The following HM13 variants were observed in gnomAD, a reference collection of about 807,000 sequenced individuals.
The protein encoded by HM13 is signal peptide peptidase.
In HM13, 18 loss-of-function variants were observed where a neutral mutation model predicts 50.0. The observed-to-expected ratio is 0.36, with a 90% CI of 0.25 to 0.53. The LOEUF is 0.53. HM13 is among the 20% of genes least tolerant of loss of function. The pLI is 0.90. For missense variants in HM13, 393 were observed against 552.4 expected, an observed-to-expected ratio of 0.71 and a Z score of 2.89; for synonymous variants, 197 against 232.6, an observed-to-expected ratio of 0.85 and a Z score of 1.39.
intron 2 of HM13, among the ~76,000 whole-genome samples, chr20:31,537,191 T>A (rs1983162870): frequency 6.6e-6 from 1 of 152,200 alleles, no homozygotes; most frequent in South Asian, 2.1e-4. Context: ...TGCCTGTGGG[T>A]GGGCATGTAG....
intron 4 of HM13, among the ~76,000 whole-genome samples, chr20:31,547,187 G>C (rs1983771170): frequency 6.6e-6 from 1 of 152,222 alleles, no homozygotes; most frequent in African/African-American, 2.4e-5. Context: ...GCAGTCTTCT[G>C]TTCCGGCAAG....
rs1271534639 is a variant in HM13, at chr20:31,514,549, G to T, written c.-3G>T. The T allele has an allele frequency of 3.1e-6, 5 of 1,604,198 alleles. No homozygotes were observed. ...GGAGTCGGATCCCGAACGCACCCTC[G>T]CCATGGACTCGGCCCTCAGCGATCC... On this transcript the variant is annotated 5_prime_UTR_variant, in exon 1 of 13. Transcript: ENST00000398174. The surrounding 1 kb of genome is among the most constrained non-coding windows in gnomAD (Gnocchi z 4.3).
chr20:31,542,163 A>G (rs1359521658), intron 3 of HM13, among the ~76,000 whole-genome samples: 1 of 152,228 alleles, frequency 6.6e-6, no homozygotes, highest in Non-Finnish European at 1.5e-5. Context: ...CCTAGCCCAC[A>G]TTAAGCCTCT....
At chr20:31,529,503 G>C (rs1982685624) in intron 2 of HM13, among the ~76,000 whole-genome samples, 1 of 152,138 alleles carries the variant, frequency 6.6e-6, no homozygotes, top group South Asian at 2.1e-4. Context: ...CCTTGGCCTT[G>C]TAAAGTGCTG....
At chr20:31,553,396 A>G (rs1045597742) in intron 7 of HM13, among the ~76,000 whole-genome samples, 11 of 152,012 alleles carry the variant, frequency 7.2e-5, no homozygotes, top group African/African-American at 2.7e-4. Context: ...CTTGCACCAC[A>G]CTTATCACCT....
At chr20:31,541,578 A>C (rs1332029401) in intron 3 of HM13, 1 of 152,186 alleles carries the variant, frequency 6.6e-6, no homozygotes, top group Non-Finnish European at 1.5e-5. Flanking sequence ...AAAAAATTTG[A>C]TGGGGACCAA....
Position 31,557,703 on chromosome 20 carries a change from C to CTTTTTTTTTTT in HM13, c.809-1894_809-1884dup, listed in dbSNP as rs1180267680. ...TGTTGACAGTTGACAGGCAGTGCTT[C>CTTTTTTTTTTT]TTTTTTTTTTTTTTTTTTTTTTTTG... On this transcript the variant is annotated intron_variant, in intron 8 of 12. Transcript: ENST00000398174. Among the ~76,000 whole-genome samples, 25 of 80,906 alleles carry CTTTTTTTTTTT rather than the reference C, an allele frequency of 3.1e-4. 1 individual carries two copies. The highest frequency in any genetic ancestry group is 8.5e-4 in the African/African-American group (15 of 17,662). The allele number at this position is 80,906 out of a possible 152,430, so 53.1% of individuals were successfully genotyped here. A position where few individuals can be genotyped will look rare whatever the true frequency, so the allele number is the denominator to read the frequency against.
At chr20:31,527,641 T>A in intron 2 of HM13, 59 bp downstream of exon 2, 1 of 1,238,090 alleles carries the variant, frequency 8.1e-7, no homozygotes, top group Non-Finnish European at 1.2e-6. Context: ...TTATTTTGTT[T>A]TATTTTTCCC....
In HM13 at chr20:31,549,114, G is replaced by A. The variant is rs776909643; in HGVS notation, c.540G>A (p.Lys180=). Residue 180 remains lysine (K), a splice_region_variant and synonymous_variant, in exon 5 of 13, where the codon AAG becomes AAA. Coordinates refer to ENST00000398174, the MANE Select transcript of HM13 (RefSeq NM_178581.3). ...TTGGCGTCTGGTACCTGCTGAGGAAGGTGAGTAGTCAGGACCTGGGCAGAA... is the reference window on the plus strand; with the variant it reads ...TTGGCGTCTGGTACCTGCTGAGGAAAGTGAGTAGTCAGGACCTGGGCAGAA... ...SIVGVWYLLR[K]HWIANNLFGL... 5 of 1,614,002 alleles carry A rather than the reference G, an allele frequency of 3.1e-6. No homozygotes were observed. The highest frequency in any genetic ancestry group is 3.4e-6 in the Non-Finnish European group (4 of 1,179,890).
At chr20:31,555,068 C>T (rs1183577820) in intron 8 of HM13, among the ~76,000 whole-genome samples, 1 of 152,208 alleles carries the variant, frequency 6.6e-6, no homozygotes, top group East Asian at 1.9e-4. Context: ...TTCACAGAGC[C>T]TCTGGTCTAG....
intron 8 of HM13, among the ~76,000 whole-genome samples, chr20:31,556,971 A>G (rs1222182647): frequency 2.0e-5 from 3 of 148,414 alleles, no homozygotes; most frequent in South Asian, 4.3e-4. Context: ...GTGAGCCAAG[A>G]TTGCACCACT....
At chr20:31,527,093 C>G (rs1031621487) in intron 1 of HM13, among the ~76,000 whole-genome samples, 2 of 152,184 alleles carry the variant, frequency 1.3e-5, no homozygotes, top group African/African-American at 4.8e-5. Flanking sequence ...GTAATCCCAG[C>G]ACTTTGGGAG....
At chr20:31,557,533 C>G (rs1445049134) in intron 8 of HM13, among the ~76,000 whole-genome samples, 1 of 152,178 alleles carries the variant, frequency 6.6e-6, no homozygotes, top group Non-Finnish European at 1.5e-5. Context: ...GGAGAACACT[C>G]GTAGAAATCA....
Position 31,568,225 on chromosome 20 carries a change from G to C in HM13, c.1181+1G>C. ...GGCGCCCGCAGAATCCCAGCGCCAT[G>C]TAATGCCCAGCGGGTGCCCACCTGC... is the stretch of plus-strand genomic sequence containing the variant. On this transcript the variant is annotated splice_donor_variant, in intron 12 of 12. Transcript: ENST00000398174. LOFTEE classifies it high-confidence loss of function. 1 of 1,612,092 alleles carries C rather than the reference G, an allele frequency of 6.2e-7. No individual in the cohort carries two copies.
chr20:31,529,065 A>G lies in HM13; in HGVS notation c.282+1483A>G, dbSNP rs554076313. Among the ~76,000 whole-genome samples the G allele has an allele frequency of 4.6e-5, 7 of 152,310 alleles. No homozygotes were observed. In the South Asian group the frequency reaches 8.3e-4, roughly 18 times the overall value. ...GCCCAGCCTGGAGTGCACTGGTGCAATCATGGCTCACTGCAACCTCAATTC... is the reference window on the plus strand; with the variant it reads ...GCCCAGCCTGGAGTGCACTGGTGCAGTCATGGCTCACTGCAACCTCAATTC... On this transcript the variant is annotated intron_variant, in intron 2 of 12. Coordinates refer to ENST00000398174, the MANE Select transcript of HM13 (RefSeq NM_178581.3).
intron 2 of HM13, among the ~76,000 whole-genome samples, chr20:31,530,495 C>G (rs1044723858): frequency 1.3e-4 from 20 of 151,816 alleles, no homozygotes; most frequent in Non-Finnish European, 2.4e-4. Context: ...AATGCAACCT[C>G]CGCCTCCCTA....
At chr20:31,568,043 T>G (rs1029543200) in intron 11 of HM13, 35 bp from the exon 12 acceptor site, 2 of 1,536,566 alleles carry the variant, frequency 1.3e-6, no homozygotes, top group African/African-American at 1.4e-5. Context: ...CCTATCCATC[T>G]CTTTTTTTCT....
chr20:31,558,746 C>T (rs1984450833), intron 8 of HM13, among the ~76,000 whole-genome samples: 1 of 152,082 alleles, frequency 6.6e-6, no homozygotes, highest in East Asian at 1.9e-4. Context: ...TATTTTGAGA[C>T]AGAGTCTCAC....
chr20:31,526,090 A>G (rs1301219654), intron 1 of HM13, among the ~76,000 whole-genome samples: 2 of 151,998 alleles, frequency 1.3e-5, no homozygotes, highest in African/African-American at 2.4e-5. Context: ...GCACCACTGC[A>G]CTCCAGCCTA....
Sources: gnomAD v4.1 joint callset for allele counts (sites outside exome capture counted in the v4.1 genomes callset) on GRCh38, gnomAD v4.1.1 for gene constraint, Gnocchi (gnomAD v3.1) non-coding constraint, MANE v1.5 for transcripts, NCBI Gene and HGNC (gene_info 2026-07-23, HGNC 2026-07-21) for gene names.